Variants in WDR70 observed in about 807,000 individuals in gnomAD.
The protein encoded by WDR70 is WD repeat-containing protein 70.
In WDR70, 53 loss-of-function variants were observed where a neutral mutation model predicts 88.6. The ratio of observed to expected loss-of-function variants is 0.60; its 90% CI spans 0.48 to 0.75. The LOEUF is 0.75. Ranked by LOEUF, WDR70 falls within the 30% of genes least tolerant of loss-of-function variation. The pLI, the probability that WDR70 is intolerant of heterozygous loss-of-function variation, is 0.00. For missense variants in WDR70, 610 were observed against 823.2 expected (o/e 0.74, Z 3.17); for synonymous variants, 280 against 270.0 (o/e 1.04, Z -0.36).
At chr5:37,418,646 T>A (rs962592450) in intron 5 of WDR70, among the ~76,000 whole-genome samples, 2 of 152,254 alleles carry the variant, frequency 1.3e-5, no homozygotes, top group African/African-American at 2.4e-5. Flanking sequence ...TATACCTTCT[T>A]CTATATTCAT....
chr5:37,653,587 T>C (rs929644484), intron 10 of WDR70, among the ~76,000 whole-genome samples: 1 of 152,200 alleles, frequency 6.6e-6, no homozygotes, highest in Non-Finnish European at 1.5e-5. Flanking sequence ...TTTTGGTTAG[T>C]AGGCTATTAA....
chr5:37,447,249 C>T (rs1182559153), intron 7 of WDR70, among the ~76,000 whole-genome samples: 1 of 152,170 alleles, frequency 6.6e-6, no homozygotes, highest in Non-Finnish European at 1.5e-5. Context: ...TACCATCTCA[C>T]ACCAGTTAGA....
chr5:37,406,044 A>G (rs1749342747), intron 5 of WDR70, among the ~76,000 whole-genome samples: 2 of 152,216 alleles, frequency 1.3e-5, no homozygotes, highest in East Asian at 1.9e-4. Context: ...CTCTGTCTCA[A>G]AAACAAAAAA....
intron 9 of WDR70, among the ~76,000 whole-genome samples, chr5:37,573,876 A>G (rs980707027): frequency 6.6e-6 from 1 of 152,028 alleles, no homozygotes; most frequent in African/African-American, 2.4e-5. Flanking sequence ...CTTCTCAGCA[A>G]CCCTCAGCAC....
intron 6 of WDR70, among the ~76,000 whole-genome samples, chr5:37,439,004 A>G (rs1750569715): frequency 6.8e-6 from 1 of 148,044 alleles, no homozygotes; most frequent in Non-Finnish European, 1.5e-5. Context: ...TGCAAGCTCC[A>G]ACTCCCGGGT....
intron 5 of WDR70, among the ~76,000 whole-genome samples, chr5:37,417,261 T>A (rs1749787946): frequency 6.6e-6 from 1 of 152,206 alleles, no homozygotes; most frequent in East Asian, 1.9e-4. Flanking sequence ...TCTTGCTCTG[T>A]CACTCAGACT....
intron 14 of WDR70, chr5:37,721,601 C>T (rs1419606025): frequency 5.6e-6 from 1 of 178,212 alleles, no homozygotes; most frequent in African/African-American, 2.3e-5. Context: ...GTCCATTTTG[C>T]TTCTTTCTTT....
At chr5:37,398,775 T>C (rs1215477338) in intron 5 of WDR70, among the ~76,000 whole-genome samples, 1 of 152,224 alleles carries the variant, frequency 6.6e-6, no homozygotes, top group Non-Finnish European at 1.5e-5. Context: ...TTACAGTAAG[T>C]TCCAGAAATT....
chr5:37,608,549 A>ATT (rs879831541), intron 10 of WDR70, among the ~76,000 whole-genome samples: 2 of 141,476 alleles, frequency 1.4e-5, no homozygotes, highest in Admixed American at 7.1e-5. Flanking sequence ...ATGTTTCACT[A>ATT]TTTTTTTTTT....
In WDR70 at chr5:37,619,440, A is replaced by G. The variant is rs183797345; in HGVS notation, c.1092+14202A>G. On this transcript the variant is annotated intron_variant, in intron 10 of 17. Transcript: ENST00000265107. ...CTCTCTCTAGTAGAGATATTTCCTG[A>G]GCCATGTTTCTCAGCATCAGGACAG... Among the ~76,000 whole-genome samples, 342 of 152,310 alleles carry G rather than the reference A, an allele frequency of 2.2e-3. 5 individuals are homozygous for G. In the Middle Eastern group the frequency reaches 0.027, roughly 12 times the overall value.
chr5:37,567,442 G>A (rs372808941), intron 9 of WDR70, among the ~76,000 whole-genome samples: 28 of 152,176 alleles, frequency 1.8e-4, no homozygotes, highest in African/African-American at 6.5e-4. Context: ...AAAACTAAAC[G>A]ATTTAAAAAT....
At chr5:37,707,999 T>C (rs1747408159) in intron 13 of WDR70, among the ~76,000 whole-genome samples, 1 of 110,260 alleles carries the variant, frequency 9.1e-6, no homozygotes, top group Non-Finnish European at 1.8e-5. Context: ...ATATAGTTGA[T>C]TGAAAATCTT....
chr5:37,727,099 A>G, intron 17 of WDR70, 54 bp downstream of exon 17: 1 of 1,549,212 alleles, frequency 6.5e-7, no homozygotes, highest in South Asian at 1.3e-5. Context: ...TGAATTGGGG[A>G]GAACATAACA....
At chr5:37,577,846 A>C (rs1303564625) in intron 9 of WDR70, among the ~76,000 whole-genome samples, 3 of 152,212 alleles carry the variant, frequency 2.0e-5, no homozygotes, top group African/African-American at 4.8e-5. Flanking sequence ...ATAGTTGGAA[A>C]TGTAGAATTG....
At chr5:37,606,754 T>C (rs1283805816) in intron 10 of WDR70, among the ~76,000 whole-genome samples, 1 of 152,226 alleles carries the variant, frequency 6.6e-6, no homozygotes, top group Non-Finnish European at 1.5e-5. Flanking sequence ...TCATTTGTTA[T>C]ATTTTATTCA....
At chr5:37,667,217 C>T (rs1745880489) in intron 10 of WDR70, among the ~76,000 whole-genome samples, 1 of 152,140 alleles carries the variant, frequency 6.6e-6, no homozygotes. Context: ...CATCTCACTC[C>T]TTGCACTGTC....
chr5:37,562,943 G>A (rs1458688293), intron 9 of WDR70, among the ~76,000 whole-genome samples: 2 of 150,014 alleles, frequency 1.3e-5, no homozygotes, highest in South Asian at 2.1e-4. Flanking sequence ...ATCATGGCCC[G>A]TTCTCAATGA....
chr5:37,461,077 G>C (rs1278392907), intron 7 of WDR70, among the ~76,000 whole-genome samples: 3 of 139,148 alleles, frequency 2.2e-5, no homozygotes, highest in Admixed American at 2.1e-4. Context: ...TTTATTTTTT[G>C]TAAATGGCAA....
intron 5 of WDR70, among the ~76,000 whole-genome samples, chr5:37,414,258 C>A (rs1749623285): frequency 6.7e-6 from 1 of 148,518 alleles, no homozygotes; most frequent in African/African-American, 2.6e-5. Flanking sequence ...GCAAATCACA[C>A]TGACTTTATC....
Sources: gnomAD v4.1 joint callset for allele counts (sites outside exome capture counted in the v4.1 genomes callset) on GRCh38, gnomAD v4.1.1 for gene constraint, MANE v1.5 for transcripts, NCBI Gene and HGNC (gene_info 2026-07-23, HGNC 2026-07-21) for gene names.